The following WDR70 variants were observed in gnomAD, a reference collection of about 807,000 sequenced individuals.
WDR70 encodes WD repeat domain 70.
Under a neutral mutation model 88.6 loss-of-function variants are expected in WDR70, and 53 were observed. The ratio of observed to expected loss-of-function variants is 0.60; its 90% CI spans 0.48 to 0.75. The LOEUF is 0.75. Among genes scored for constraint, WDR70 ranks in the 30% least tolerant of loss-of-function variants. The pLI is 0.00. For missense variants in WDR70, 610 were observed against 823.2 expected (o/e 0.74, Z 3.17); for synonymous variants, 280 against 270.0 (o/e 1.04, Z -0.36).
At chr5:37,485,379 CAA>C (rs1739826948) in intron 8 of WDR70, among the ~76,000 whole-genome samples, 1 of 152,174 alleles carries the variant, frequency 6.6e-6, no homozygotes, top group Non-Finnish European at 1.5e-5. Context: ...TCAGTTTGAA[CAA>C]AGTGATATTC....
At chr5:37,421,419 A>G (rs1414340647) in intron 5 of WDR70, among the ~76,000 whole-genome samples, 1 of 152,212 alleles carries the variant, frequency 6.6e-6, no homozygotes, top group Non-Finnish European at 1.5e-5. Flanking sequence ...GTAAGCTGTG[A>G]CGCTTGTAAG....
At chr5:37,691,113 C>G (rs1236162350) in intron 10 of WDR70, among the ~76,000 whole-genome samples, 1 of 152,144 alleles carries the variant, frequency 6.6e-6, no homozygotes, top group African/African-American at 2.4e-5. Flanking sequence ...CAGCAAAGAT[C>G]AAAAGATACA....
intron 10 of WDR70, among the ~76,000 whole-genome samples, chr5:37,624,785 A>G (rs1744618883): frequency 6.6e-6 from 1 of 152,176 alleles, no homozygotes; most frequent in African/African-American, 2.4e-5. Context: ...GTGATCTAAT[A>G]CTAATAGACT....
intron 9 of WDR70, among the ~76,000 whole-genome samples, chr5:37,517,238 A>C (rs114902354): frequency 6.6e-6 from 1 of 152,226 alleles, no homozygotes; most frequent in Admixed American, 6.5e-5. Flanking sequence ...CTAATAGCTA[A>C]CATAAGCTTA....
chr5:37,673,900 G>C (rs1312487060), intron 10 of WDR70, among the ~76,000 whole-genome samples: 1 of 151,996 alleles, frequency 6.6e-6, no homozygotes, highest in East Asian at 1.9e-4. Flanking sequence ...AGTTTGCTAA[G>C]GATAATGGCC....
intron 7 of WDR70, among the ~76,000 whole-genome samples, 187 bp downstream of exon 7, chr5:37,443,559 A>G (rs2112055406): frequency 6.6e-6 from 1 of 152,344 alleles, no homozygotes; most frequent in South Asian, 2.1e-4. Context: ...TGTTTCATAA[A>G]CTTATATTTT....
At chr5:37,745,843 C>T (rs1478693282) in intron 17 of WDR70, among the ~76,000 whole-genome samples, 1 of 152,160 alleles carries the variant, frequency 6.6e-6, no homozygotes, top group African/African-American at 2.4e-5. Flanking sequence ...GACTCTAACA[C>T]TCCACTGTCA....
intron 7 of WDR70, among the ~76,000 whole-genome samples, chr5:37,446,287 A>G (rs1271694032): frequency 5.9e-5 from 9 of 152,226 alleles, no homozygotes; most frequent in Admixed American, 2.0e-4. Context: ...ACAAAATGAA[A>G]GAGGACACAA....
intron 10 of WDR70, among the ~76,000 whole-genome samples, chr5:37,619,660 A>T (rs1257986577): frequency 6.6e-6 from 1 of 151,932 alleles, no homozygotes; most frequent in African/African-American, 2.4e-5. Context: ...TCTTTGATTC[A>T]TTGCAACTGG....
chr5:37,557,121 T>A (rs1262793717), intron 9 of WDR70, among the ~76,000 whole-genome samples: 1 of 152,082 alleles, frequency 6.6e-6, no homozygotes, highest in Non-Finnish European at 1.5e-5. Context: ...ATTAACTCTA[T>A]CTGGTGGTAC....
At chr5:37,674,875 T>C (rs889733545) in intron 10 of WDR70, among the ~76,000 whole-genome samples, 48 of 151,684 alleles carry the variant, frequency 3.2e-4, no homozygotes, top group South Asian at 2.7e-3. Context: ...CCTATTTCTC[T>C]ACATCCTCTC....
chr5:37,505,750 C>T (rs751288397), intron 8 of WDR70: 11 of 1,352,886 alleles, frequency 8.1e-6, no homozygotes, highest in South Asian at 5.8e-5. Flanking sequence ...GCTCCCTACA[C>T]GTTGGACCCT....
At chr5:37,508,021 T>C (rs530623312) in intron 8 of WDR70, among the ~76,000 whole-genome samples, 21 of 152,256 alleles carry the variant, frequency 1.4e-4, no homozygotes, top group African/African-American at 4.8e-4. Flanking sequence ...TGAATGTGAA[T>C]GTGGTGGGGT....
At chr5:37,512,159 C>A (rs1447493802) in intron 8 of WDR70, among the ~76,000 whole-genome samples, 3 of 152,164 alleles carry the variant, frequency 2.0e-5, no homozygotes, top group Non-Finnish European at 2.9e-5. Context: ...TAACTCCATT[C>A]TCTGCCTCTG....
chr5:37,732,670 T>C (rs1472409342), intron 17 of WDR70, among the ~76,000 whole-genome samples: 1 of 152,138 alleles, frequency 6.6e-6, no homozygotes, highest in Non-Finnish European at 1.5e-5. Context: ...GTGAACTATT[T>C]ATGTCTTTTG....
chr5:37,627,897 G>A (rs1042758842), intron 10 of WDR70, among the ~76,000 whole-genome samples: 7 of 152,102 alleles, frequency 4.6e-5, no homozygotes, highest in Admixed American at 3.3e-4. Context: ...GTTGTTAGGT[G>A]AAATATTCTG....
chr5:37,525,478 C>G (rs1741236870), intron 9 of WDR70, among the ~76,000 whole-genome samples: 1 of 152,166 alleles, frequency 6.6e-6, no homozygotes, highest in East Asian at 1.9e-4. Flanking sequence ...ACATTTAAAG[C>G]AGTGTATAGA....
At chr5:37,667,830 A>G (rs1441809213) in intron 10 of WDR70, among the ~76,000 whole-genome samples, 1 of 126,632 alleles carries the variant, frequency 7.9e-6, no homozygotes, top group Non-Finnish European at 1.6e-5. Context: ...AATCCATGCT[A>G]GTCTGTACGA....
intron 9 of WDR70, among the ~76,000 whole-genome samples, chr5:37,567,315 T>C (rs970163664): frequency 6.6e-6 from 1 of 152,196 alleles, no homozygotes; most frequent in African/African-American, 2.4e-5. Flanking sequence ...CTAGATTTTA[T>C]AATAGCTCTC....
Sources: gnomAD v4.1 joint callset for allele counts (sites outside exome capture counted in the v4.1 genomes callset) on GRCh38, gnomAD v4.1.1 for gene constraint, MANE v1.5 for transcripts, NCBI Gene and HGNC (gene_info 2026-07-23, HGNC 2026-07-21) for gene names.